PLAA: variants seen among roughly 807,000 people sequenced by gnomAD.
PLAA encodes the protein phospholipase A-2-activating protein.
A neutral mutation model predicts 84.1 loss-of-function variants in PLAA; 48 were observed. The observed-to-expected ratio is 0.57, with a 90% CI of 0.45 to 0.73. The LOEUF is 0.73. Among genes scored for constraint, PLAA ranks in the 30% least tolerant of loss-of-function variants. The probability of loss-of-function intolerance (pLI) is 0.00; values close to 1 mark genes in which losing one functional copy is unlikely to be tolerated. For synonymous variants in PLAA, 392 were observed against 336.6 expected, an observed-to-expected ratio of 1.16 and a Z score of -1.80; for missense variants, 903 against 954.7, an observed-to-expected ratio of 0.95 and a Z score of 0.71.
intron 2 of PLAA, among the ~76,000 whole-genome samples, chr9:26,929,105 G>A (rs1016762214): frequency 6.6e-6 from 1 of 152,110 alleles, no homozygotes; most frequent in Admixed American, 6.5e-5. Flanking sequence ...AGGCTGAGGT[G>A]GGAGGATTGC....
intron 2 of PLAA, among the ~76,000 whole-genome samples, chr9:26,928,711 T>G (rs1228783537): frequency 6.6e-6 from 1 of 152,250 alleles, no homozygotes; most frequent in Non-Finnish European, 1.5e-5. Context: ...TACACAATCC[T>G]TCCAGCTTTA....
chr9:26,930,783 A>G (rs1258839682), intron 2 of PLAA, among the ~76,000 whole-genome samples: 1 of 151,516 alleles, frequency 6.6e-6, no homozygotes, highest in East Asian at 2.0e-4. Context: ...GGGTTTCACC[A>G]TGTCAGTCAG....
intron 13 of PLAA, among the ~76,000 whole-genome samples, chr9:26,907,036 G>GAA (rs59918176): frequency 0.15 from 13,406 of 90,192 alleles, 842 homozygotes; most frequent in Middle Eastern, 0.27. Context: ...ACATTTTATT[G>GAA]AAAAAAAAAA....
intron 1 of PLAA, 31 bp downstream of exon 1, chr9:26,946,866 C>A: frequency 6.5e-7 from 1 of 1,547,470 alleles, no homozygotes. Flanking sequence ...GCGTGCAACA[C>A]AGCCGGGGCA....
chr9:26,919,243 G>C, intron 9 of PLAA, 67 bp downstream of exon 9: 1 of 977,002 alleles, frequency 1.0e-6, no homozygotes, highest in African/African-American at 1.6e-5. Context: ...ATGACTATTT[G>C]AAAACATCAA....
intron 6 of PLAA, among the ~76,000 whole-genome samples, chr9:26,923,904 G>C (rs1824851798): frequency 6.6e-6 from 1 of 152,132 alleles, no homozygotes. Flanking sequence ...TTCTGAGATA[G>C]GAGAAGCAAA....
intron 11 of PLAA, among the ~76,000 whole-genome samples, chr9:26,912,083 G>T (rs1824418143): frequency 6.6e-6 from 1 of 152,120 alleles, no homozygotes; most frequent in South Asian, 2.1e-4. Context: ...GAAAAGTACA[G>T]GATGCAATGA....
chr9:26,915,753 T>A (rs1237458872), intron 10 of PLAA: 1 of 985,192 alleles, frequency 1.0e-6, no homozygotes, highest in African/African-American at 1.7e-5. Context: ...TTACTGACAT[T>A]ATGGAACAGT....
chr9:26,926,574 C>CAAT lies in PLAA; in HGVS notation c.566-17_566-15dup. ...AGTCTTCATGCCCTGCATTAAAAAA[C>CAAT]AATAATGCAAATCAATAAAACTGAT... On this transcript the variant is annotated splice_polypyrimidine_tract_variant and intron_variant, in intron 4 of 13. Transcript: ENST00000397292. 6.2e-7 allele frequency: 1 copy of CAAT among 1,600,506 alleles called. No homozygotes were observed. The highest frequency in any genetic ancestry group is 1.3e-5 in the African/African-American group (1 of 74,658).
rs748731026 is a variant in PLAA, at chr9:26,926,551, T to A, written c.575A>T (p.Asp192Val). The A allele has an allele frequency of 6.2e-7, 1 of 1,611,858 alleles. No individual in the cohort carries two copies. The highest frequency in any genetic ancestry group is 8.5e-7 in the Non-Finnish European group (1 of 1,178,630). The change falls in exon 5 of 14, where the codon GAC becomes GTC. Residue 192 changes from aspartate to valine, a missense_variant. Coordinates refer to ENST00000397292, the MANE Select transcript of PLAA (RefSeq NM_001031689.3). ...RCERTFSGHE[D>V]CVRGLAILSE... The stretch of plus-strand genomic sequence containing the variant: ...CAAAATTGCCAAACCTCTTACACAG[T>A]CTTCATGCCCTGCATTAAAAAACAA...
rs201444490 is a variant in PLAA, at chr9:26,923,287, G to T, written c.930C>A (p.Ile310=). 6.2e-7 allele frequency: 1 copy of T among 1,613,678 alleles called. No individual in the cohort carries two copies. Among genetic ancestry groups the T allele is most frequent in the Admixed American group, 1.7e-5 (1 of 59,980 alleles). Residue 310 remains isoleucine (I), a synonymous_variant, in exon 7 of 14, where the codon ATC becomes ATA. Coordinates refer to ENST00000397292, the MANE Select transcript of PLAA (RefSeq NM_001031689.3). ...SEDRTASAEE[I]KAFEKELSHA... ...GAGACAGTTCTTTTTCAAAAGCCTT[G>T]ATTTCTTCAGCACTTGCTGTTCGAT...
intron 8 of PLAA, 52 bp downstream of exon 8, chr9:26,920,175 A>T (rs377529306): frequency 1.3e-6 from 2 of 1,489,610 alleles, no homozygotes; most frequent in African/African-American, 2.8e-5. Flanking sequence ...GGAAACCTTT[A>T]ATTTGCCTAA....
intron 11 of PLAA, 32 bp from the exon 12 acceptor site, chr9:26,910,471 CAAG>C (rs1563905750): frequency 2.7e-6 from 4 of 1,503,892 alleles, no homozygotes; most frequent in Non-Finnish European, 3.7e-6. Flanking sequence ...ATGATAATCA[CAAG>C]GAGTGATCAA....
At chr9:26,932,350 C>G (rs972847361) in intron 2 of PLAA, among the ~76,000 whole-genome samples, 2 of 152,120 alleles carry the variant, frequency 1.3e-5, no homozygotes, top group African/African-American at 4.8e-5. Context: ...ACCTAACAAA[C>G]TAAGAATGTT....
In PLAA at chr9:26,904,219, T is replaced by C. The variant is rs932095039; in HGVS notation, c.*1292A>G. ...TTCTTGCCCATTTGGGGAACAATTA[T>C]TCTTCTAAGGCTATAATTTGGCATT... On this transcript the variant is annotated 3_prime_UTR_variant, in exon 14 of 14. Coordinates refer to ENST00000397292, the MANE Select transcript of PLAA (RefSeq NM_001031689.3). The C allele has an allele frequency of 2.0e-5, 3 of 152,240 alleles. No homozygotes were observed. The highest frequency in any genetic ancestry group is 2.0e-4 in the Admixed American group (3 of 15,290). 9.4% of individuals were successfully genotyped at this position (152,240 alleles called of 1,614,324 possible).
intron 1 of PLAA, among the ~76,000 whole-genome samples, chr9:26,935,800 T>C (rs1825338969): frequency 6.6e-6 from 1 of 151,266 alleles, no homozygotes; most frequent in African/African-American, 2.4e-5. Context: ...CTAAAACAAA[T>C]AAACAAAAAA....
At position 26,934,864 on chromosome 9, in the gene PLAA, C is replaced by A. The variant is rs1825309392; in HGVS notation, c.343+149G>T. 12 of 600,990 alleles carry A rather than the reference C, an allele frequency of 2.0e-5. No individual in the cohort carries two copies. The South Asian group carries it at 2.7e-4, about 13-fold the overall frequency. The allele number at this position is 600,990 out of a possible 1,614,324, so 37.2% of individuals were successfully genotyped here. On this transcript the variant is annotated intron_variant, in intron 2 of 13. Transcript: ENST00000397292. ...AATTTGTAACAGAATTTTTACGGAA[C>A]TAAGATAGCCCAAAAGCGTTTCCAT...
intron 1 of PLAA, among the ~76,000 whole-genome samples, chr9:26,941,039 A>C (rs1825517959): frequency 6.6e-6 from 1 of 152,156 alleles, no homozygotes; most frequent in African/African-American, 2.4e-5. Flanking sequence ...TGAAGTTCTT[A>C]ATGGCAGAAT....
At chr9:26,930,513 A>G (rs1333032715) in intron 2 of PLAA, among the ~76,000 whole-genome samples, 1 of 152,058 alleles carries the variant, frequency 6.6e-6, no homozygotes, top group Non-Finnish European at 1.5e-5. Flanking sequence ...TGATGAACAG[A>G]GTCCCTTTAT....
Sources: gnomAD v4.1 joint callset for allele counts (sites outside exome capture counted in the v4.1 genomes callset) on GRCh38, gnomAD v4.1.1 for gene constraint, MANE v1.5 for transcripts, NCBI Gene and HGNC (gene_info 2026-07-23, HGNC 2026-07-21) for gene names.